METTL6: variants seen among roughly 807,000 people sequenced by gnomAD.
The protein encoded by METTL6 is methyltransferase 6, tRNA N3-cytidine.
In METTL6, 22 loss-of-function variants were observed where a neutral mutation model predicts 26.4. The observed-to-expected ratio is 0.83, with a 90% confidence interval of 0.59 to 1.19. The LOEUF is 1.19. METTL6 is among the 50% of genes most tolerant of loss of function. The pLI is 0.00. For synonymous variants in METTL6, 109 were observed against 116.2 expected (o/e 0.94, Z 0.40); for missense variants, 304 against 324.8 (o/e 0.94, Z 0.49).
chr3:15,412,607 C>T lies in METTL6; in HGVS notation c.674-1170G>A, dbSNP rs115145405. Reference sequence around the variant, plus strand: ...CCAAATGATCCTCTTGCCTCAGCCTCCTAAGCAGCAGGACCACAAGTGCAT... The same window carrying T: ...CCAAATGATCCTCTTGCCTCAGCCTTCTAAGCAGCAGGACCACAAGTGCAT... On this transcript the variant is annotated intron_variant, in intron 5 of 5. Coordinates refer to ENST00000383790, the MANE Select transcript of METTL6 (RefSeq NM_152396.4). 8.7e-3 allele frequency among the ~76,000 whole-genome samples: 1,330 copies of T among 152,052 alleles called. 8 individuals are homozygous for T. Among genetic ancestry groups the T allele is most frequent in the Non-Finnish European group, 0.013 (890 of 67,984 alleles).
At position 15,411,059 on chromosome 3, in the gene METTL6, A is replaced by AT. The variant is rs796552793; in HGVS notation, c.*196dup. On this transcript the variant is annotated 3_prime_UTR_variant, in exon 6 of 6. Transcript: ENST00000383790. ...AGGCACTCGCCACTATGCCCAGCTA[A>AT]TTTTTTTGTATTTTTAGTAGAGATG... 7.4e-5 allele frequency: 38 copies of AT among 511,312 alleles called. No homozygotes were observed. In the South Asian group the frequency reaches 9.5e-4, roughly 13 times the overall value. 31.7% of individuals were successfully genotyped at this position (511,312 alleles called of 1,614,324 possible).
chr3:15,426,608 A>C lies in METTL6; in HGVS notation c.-97T>G. ...TGGATCAGATACATTTCCTGAGGTG[A>C]GTTTCACGCCTCAAACAGCACAGGG... On this transcript the variant is annotated 5_prime_UTR_variant, in exon 2 of 6. Transcript: ENST00000383790. 1 of 1,147,934 alleles carries C rather than the reference A, an allele frequency of 8.7e-7. No individual in the cohort carries two copies. The highest frequency in any genetic ancestry group is 1.5e-5 in the African/African-American group (1 of 65,160). 71.1% of individuals were successfully genotyped at this position (1,147,934 alleles called of 1,614,324 possible).
rs539638161 is a variant in METTL6, at chr3:15,415,035, C to T, written c.531+737G>A. ...TAGTACTCAAACTGTATTCAACTGTCTCTTAAAAAAACAAACAAACAAACA... is the reference window on the plus strand; with the variant it reads ...TAGTACTCAAACTGTATTCAACTGTTTCTTAAAAAAACAAACAAACAAACA... On this transcript the variant is annotated intron_variant, in intron 4 of 5. Coordinates refer to ENST00000383790, the MANE Select transcript of METTL6 (RefSeq NM_152396.4). The T allele has an allele frequency of 1.1e-5, 11 of 1,003,258 alleles. No individual in the cohort carries two copies. The African/African-American group carries it at 1.8e-4, about 16-fold the overall frequency. The allele number at this position is 1,003,258 out of a possible 1,614,324, so 62.1% of individuals were successfully genotyped here. A position where few individuals can be genotyped will look rare whatever the true frequency, so the allele number is the denominator to read the frequency against.
chr3:15,427,521 GC>G lies in METTL6; in HGVS notation c.-245del, dbSNP rs1262324380. ...CCGGGAGTTCTTTTGCCATGGCACC[GC>G]CCCCGCCACTTCCGCTAGGAACCCG... is the stretch of plus-strand genomic sequence containing the variant. On this transcript the variant is annotated 5_prime_UTR_variant, in exon 1 of 6. Coordinates refer to ENST00000383790, the MANE Select transcript of METTL6 (RefSeq NM_152396.4). 3.8e-6 allele frequency: 2 copies of G among 527,226 alleles called. No individual in the cohort carries two copies. The highest frequency in any genetic ancestry group is 4.0e-5 in the African/African-American group (2 of 50,362). 32.7% of individuals were successfully genotyped at this position (527,226 alleles called of 1,614,324 possible). A position where few individuals can be genotyped will look rare whatever the true frequency, so the allele number is the denominator to read the frequency against.
Position 15,426,475 on chromosome 3 carries a change from T to G in METTL6, c.37A>C (p.Ile13Leu). 6.2e-7 allele frequency: 1 copy of G among 1,614,196 alleles called. No homozygotes were observed. The highest frequency in any genetic ancestry group is 8.5e-7 in the Non-Finnish European group (1 of 1,180,044). ...TTCTCCTCTTCTTCAGAGGTGAGAA[T>G]CCTTGCCTGCAGCCCTTTCCTTTGC... ...SLQRKGLQARILTSEEEEKLK... is the reference protein window; with the variant it reads ...SLQRKGLQARLLTSEEEEKLK... Residue 13 changes from isoleucine (I) to leucine (L), a missense_variant, in exon 2 of 6, where the codon ATT (isoleucine) becomes CTT (leucine). Ile to Leu is a conservative substitution (Grantham distance 5). Transcript: ENST00000383790.
chr3:15,394,767 T>C (rs953124268), intron 6 of METTL6, among the ~76,000 whole-genome samples: 1 of 152,260 alleles, frequency 6.6e-6, no homozygotes, highest in African/African-American at 2.4e-5. Flanking sequence ...CCAGTAGTCA[T>C]TCAGGAGCAA....
intron 3 of METTL6, among the ~76,000 whole-genome samples, chr3:15,418,858 C>T (rs1333713044): frequency 6.6e-6 from 1 of 151,952 alleles, no homozygotes; most frequent in African/African-American, 2.4e-5. Context: ...GAGACCTGAT[C>T]TCTAAGAAAA....
At chr3:15,425,192 G>A in intron 2 of METTL6, 103 bp from the exon 3 acceptor site, 1 of 1,237,852 alleles carries the variant, frequency 8.1e-7, no homozygotes, top group Non-Finnish European at 1.1e-6. Flanking sequence ...ACCCCATGGA[G>A]CAGACGATCA....
At chr3:15,389,384 C>T (rs557453069) in intron 6 of METTL6, among the ~76,000 whole-genome samples, 27 of 152,172 alleles carry the variant, frequency 1.8e-4, no homozygotes, top group African/African-American at 5.3e-4. Flanking sequence ...GAAAAACGAT[C>T]GTTTTCCTTG....
rs1010211596 is a variant in METTL6, at chr3:15,409,843, C to A, written c.*1413G>T. The stretch of plus-strand genomic sequence containing the variant: ...ATACATAACTGAACTAAAGGGGAGA[C>A]CAATGGGCAAATATGACACTCGAAA... On this transcript the variant is annotated 3_prime_UTR_variant, in exon 6 of 6. Coordinates refer to ENST00000383790, the MANE Select transcript of METTL6 (RefSeq NM_152396.4). Among the ~76,000 whole-genome samples, 13 of 152,142 alleles carry A rather than the reference C, an allele frequency of 8.5e-5. No homozygotes were observed. The highest frequency in any genetic ancestry group is 1.9e-4 in the East Asian group (1 of 5,202).
At chr3:15,415,079 C>T (rs1369809677) in intron 4 of METTL6, among the ~76,000 whole-genome samples, 4 of 152,002 alleles carry the variant, frequency 2.6e-5, no homozygotes, top group Non-Finnish European at 5.9e-5. Flanking sequence ...ACCAGAATGT[C>T]GTTTTGGCTC....
chr3:15,417,369 C>G (rs931364163), intron 3 of METTL6, among the ~76,000 whole-genome samples: 2 of 151,808 alleles, frequency 1.3e-5, no homozygotes, highest in African/African-American at 4.8e-5. Context: ...GCAGAAGAAT[C>G]GCTTGAACCT....
At chr3:15,416,643 C>T (rs962422134) in intron 3 of METTL6, among the ~76,000 whole-genome samples, 2 of 152,180 alleles carry the variant, frequency 1.3e-5, no homozygotes, top group African/African-American at 2.4e-5. Flanking sequence ...TGATGAGATG[C>T]TCCCGCAGTT....
rs1336178288 is a variant in METTL6 at position 15,399,594 on chromosome 3, C to T, written c.*11+11651G>A. On this transcript the variant is annotated intron_variant, in intron 6 of 6. Coordinates refer to the METTL6 transcript ENST00000443029. ...TGTGTGTGTGTGTTGGAGGCTGGGG[C>T]GGGGGGCGGTTGGGGGGTAGTCCTA... The T allele has an allele frequency of 8.6e-5, 10 of 116,078 alleles. No homozygotes were observed. The East Asian group carries it at 2.0e-3, about 23-fold the overall frequency. 7.2% of individuals were successfully genotyped at this position (116,078 alleles called of 1,614,324 possible).
intron 6 of METTL6, chr3:15,399,544 T>TGTGTGTGTGTGTGTGTG (rs1699582696): frequency 8.4e-6 from 1 of 118,470 alleles, no homozygotes; most frequent in African/African-American, 3.3e-5. Context: ...CCAGGAGAAA[T>TGTGTGTGTGTGTGTGTG]TGTGTGTGTG....
At chr3:15,407,634 T>C (rs1012993172), downstream of METTL6, among the ~76,000 whole-genome samples, 7 of 152,190 alleles carry the variant, frequency 4.6e-5, no homozygotes, top group Non-Finnish European at 7.3e-5. Flanking sequence ...GAGAACACTA[T>C]TGATGGAAAA....
At chr3:15,385,204 A>AT (rs1379157591) in intron 6 of METTL6, among the ~76,000 whole-genome samples, 1 of 152,160 alleles carries the variant, frequency 6.6e-6, no homozygotes, top group Admixed American at 6.5e-5. Flanking sequence ...ACCCTCACCC[A>AT]TTATCTTCAT....
At position 15,410,134 on chromosome 3, in the gene METTL6, C is replaced by G. The variant is rs1298810568; in HGVS notation, c.*1122G>C. The stretch of plus-strand genomic sequence containing the variant: ...AGGCCTTGAAATTTTATTTACATGT[C>G]TCTAACACACACACATACACTTCCT... On this transcript the variant is annotated 3_prime_UTR_variant, in exon 6 of 6. Transcript: ENST00000383790. Among the ~76,000 whole-genome samples, 1 of 152,038 alleles carries G rather than the reference C, an allele frequency of 6.6e-6. No individual in the cohort carries two copies. The highest frequency in any genetic ancestry group is 1.5e-5 in the Non-Finnish European group (1 of 68,008).
chr3:15,385,533 G>C (rs993957073), intron 6 of METTL6, among the ~76,000 whole-genome samples: 2 of 152,150 alleles, frequency 1.3e-5, no homozygotes, highest in African/African-American at 4.8e-5. Context: ...GGGAGGCAGA[G>C]GTTGCAGTGA....
Sources: allele counts gnomAD v4.1 joint callset (sites outside exome capture counted in the v4.1 genomes callset), GRCh38; gene constraint gnomAD v4.1.1; transcripts MANE v1.5; gene names NCBI Gene and HGNC (gene_info 2026-07-23, HGNC 2026-07-21).